Variants in GRM7 observed in about 807,000 individuals in gnomAD.
The protein encoded by GRM7 is glutamate metabotropic receptor 7.
GRM7 carries 35 observed loss-of-function variants against 84.5 expected under a neutral mutation model. The observed-to-expected ratio is 0.41, with a 90% confidence interval of 0.32 to 0.55. The LOEUF (loss-of-function observed/expected upper bound fraction) is 0.55. GRM7 is among the 20% of genes least tolerant of loss of function. The pLI is 0.19. For missense variants in GRM7, 1,003 were observed against 1,194.6 expected, an observed-to-expected ratio of 0.84 and a Z score of 2.36; for synonymous variants, 487 against 455.1, an observed-to-expected ratio of 1.07 and a Z score of -0.89.
chr3:6,978,674 A>T (rs908355769), intron 1 of GRM7, among the ~76,000 whole-genome samples: 1 of 152,128 alleles, frequency 6.6e-6, no homozygotes, highest in Non-Finnish European at 1.5e-5. Context: ...GGAGATGATG[A>T]CTTATCTACA....
intron 2 of GRM7, among the ~76,000 whole-genome samples, chr3:7,185,531 G>A (rs1695485845): frequency 6.6e-6 from 1 of 152,076 alleles, no homozygotes; most frequent in African/African-American, 2.4e-5. Context: ...GATTTATGAG[G>A]CCATTTTGCT....
In GRM7 at chr3:7,740,433, G is replaced by T. The variant is rs1196852166; in HGVS notation, c.*27G>T. On this transcript the variant is annotated 3_prime_UTR_variant, in exon 10 of 10. Coordinates refer to ENST00000357716, the MANE Select transcript of GRM7 (RefSeq NM_000844.4). ...CTGTTCCATTCCATGGAACCATGGA[G>T]GAGGAAGACCCTCAGTTATTTTGTC... is the stretch of plus-strand genomic sequence containing the variant. 7.6e-7 allele frequency: 1 copy of T among 1,312,830 alleles called. No homozygotes were observed. The highest frequency in any genetic ancestry group is 1.3e-5 in the South Asian group (1 of 77,562). The allele number at this position is 1,312,830 out of a possible 1,614,324, so 81.3% of individuals were successfully genotyped here.
Position 7,431,266 on chromosome 3 carries a change from GAATA to G in GRM7, c.1174+16107_1174+16110del, listed in dbSNP as rs529646618. Among the ~76,000 whole-genome samples, 272 of 152,190 alleles carry G rather than the reference GAATA, an allele frequency of 1.8e-3. No homozygotes were observed. The Middle Eastern group carries it at 0.024, about 13-fold the overall frequency. ...GGATTGTTGATATATGCAACAAAAT[GAATA>G]AATCTCAAAAATTTTTGTCTGAGTG... On this transcript the variant is annotated intron_variant, in intron 5 of 9. Coordinates refer to ENST00000357716, the MANE Select transcript of GRM7 (RefSeq NM_000844.4).
At chr3:7,356,658 C>G (rs1341967693) in intron 4 of GRM7, among the ~76,000 whole-genome samples, 1 of 152,042 alleles carries the variant, frequency 6.6e-6, no homozygotes, top group Non-Finnish European at 1.5e-5. Flanking sequence ...TTAGATACCA[C>G]TCAGCTTCTT....
At chr3:6,875,577 C>G (rs953676613) in intron 1 of GRM7, among the ~76,000 whole-genome samples, 3 of 152,160 alleles carry the variant, frequency 2.0e-5, no homozygotes, top group African/African-American at 7.2e-5. Flanking sequence ...AATTAAACCT[C>G]TTTTCTTTAT....
chr3:6,947,284 C>A (rs538135346), intron 1 of GRM7, among the ~76,000 whole-genome samples: 1 of 152,026 alleles, frequency 6.6e-6, no homozygotes, highest in Non-Finnish European at 1.5e-5. Flanking sequence ...TTTTGTCAAA[C>A]GCCTTTTCTG....
At chr3:7,378,807 G>C (rs1420999810) in intron 4 of GRM7, among the ~76,000 whole-genome samples, 1 of 152,060 alleles carries the variant, frequency 6.6e-6, no homozygotes, top group African/African-American at 2.4e-5. Flanking sequence ...TGCCACATTT[G>C]ATTCATCTAT....
At chr3:7,306,258 G>GT (rs1301523970) in intron 3 of GRM7, among the ~76,000 whole-genome samples, 2 of 151,986 alleles carry the variant, frequency 1.3e-5, no homozygotes, top group Non-Finnish European at 2.9e-5. Flanking sequence ...TTGGACATTT[G>GT]TATTTATCTT....
chr3:7,616,485 A>G (rs1430825158), intron 8 of GRM7, among the ~76,000 whole-genome samples: 1 of 152,152 alleles, frequency 6.6e-6, no homozygotes, highest in Non-Finnish European at 1.5e-5. Context: ...CCCTAGGTCC[A>G]TCAGGATCCA....
chr3:7,446,211 A>T (rs920027290), intron 5 of GRM7, among the ~76,000 whole-genome samples: 1 of 152,204 alleles, frequency 6.6e-6, no homozygotes, highest in Admixed American at 6.5e-5. Context: ...ACAGCTTCAG[A>T]TCAGACTTTC....
intron 2 of GRM7, among the ~76,000 whole-genome samples, chr3:7,177,219 G>T (rs1233337468): frequency 6.6e-6 from 1 of 152,050 alleles, no homozygotes; most frequent in African/African-American, 2.4e-5. Context: ...AGCCTTTAAG[G>T]CTCTTAGAGG....
chr3:7,280,472 A>G (rs1237414292), intron 2 of GRM7, among the ~76,000 whole-genome samples: 1 of 152,204 alleles, frequency 6.6e-6, no homozygotes, highest in African/African-American at 2.4e-5. Context: ...CAGCTCCTCT[A>G]CTTATTAGCT....
At chr3:7,103,600 T>G (rs1699181826) in intron 1 of GRM7, among the ~76,000 whole-genome samples, 3 of 151,850 alleles carry the variant, frequency 2.0e-5, no homozygotes, top group Admixed American at 1.3e-4. Flanking sequence ...TTGGGTCTTA[T>G]GTTTGTCTAA....
intron 5 of GRM7, among the ~76,000 whole-genome samples, chr3:7,442,903 G>C (rs144011925): frequency 1.3e-5 from 2 of 152,140 alleles, no homozygotes; most frequent in African/African-American, 4.8e-5. Flanking sequence ...GAGTGTCTCT[G>C]TCTGGTACAT....
chr3:7,683,612 T>G (rs1575628500), intron 9 of GRM7, among the ~76,000 whole-genome samples: 1 of 152,226 alleles, frequency 6.6e-6, no homozygotes, highest in Non-Finnish European at 1.5e-5. Context: ...GCACAAAAGC[T>G]GTCCAACAGT....
intron 1 of GRM7, among the ~76,000 whole-genome samples, chr3:6,960,239 C>A (rs1003164583): frequency 6.6e-6 from 1 of 152,234 alleles, no homozygotes; most frequent in East Asian, 1.9e-4. Context: ...AGTGTGCCTT[C>A]TTCTTTGTAT....
intron 4 of GRM7, among the ~76,000 whole-genome samples, chr3:7,412,041 T>TCTCTCTCC (rs1225131046): frequency 3.3e-5 from 5 of 151,304 alleles, no homozygotes; most frequent in Admixed American, 6.6e-5. Flanking sequence ...CTCCTCTCTC[T>TCTCTCTCC]CTCTCTCCCT....
intron 4 of GRM7, among the ~76,000 whole-genome samples, chr3:7,336,843 C>T (rs567405047): frequency 9.9e-5 from 15 of 150,994 alleles, no homozygotes; most frequent in Admixed American, 4.6e-4. Flanking sequence ...ACCAAGGAGG[C>T]GAAAGATCTC....
chr3:7,047,398 T>A lies in GRM7; in HGVS notation c.520-99054T>A, dbSNP rs149519877. On this transcript the variant is annotated intron_variant, in intron 1 of 9. Coordinates refer to ENST00000357716, the MANE Select transcript of GRM7 (RefSeq NM_000844.4). ...AGAGCTACCATGCCACTGGGAAATA[T>A]GTGTTTGCTTTTAAAATTGAGCTTA... Among the ~76,000 whole-genome samples, 178 of 152,164 alleles carry A rather than the reference T, an allele frequency of 1.2e-3. 2 individuals are homozygous for A. Among genetic ancestry groups the A allele is most frequent in the African/African-American group, 3.9e-3 (163 of 41,552 alleles).
Sources: gnomAD v4.1 joint callset for allele counts (sites outside exome capture counted in the v4.1 genomes callset) on GRCh38, gnomAD v4.1.1 for gene constraint, MANE v1.5 for transcripts, NCBI Gene and HGNC (gene_info 2026-07-23, HGNC 2026-07-21) for gene names.